The following BCL7B variants were observed in gnomAD, a reference collection of about 807,000 sequenced individuals.
The protein encoded by BCL7B is B-cell CLL/lymphoma 7 protein family member B.
BCL7B carries 11 observed loss-of-function variants against 26.5 expected under a neutral mutation model. The ratio of observed to expected loss-of-function variants is 0.42; its 90% CI spans 0.26 to 0.69. The LOEUF (loss-of-function observed/expected upper bound fraction) is 0.69, where lower values mean the gene tolerates loss of function less well. Among genes scored for constraint, BCL7B ranks in the 30% least tolerant of loss-of-function variants. BCL7B has a pLI of 0.28. For synonymous variants in BCL7B, 111 were observed against 107.9 expected, an observed-to-expected ratio of 1.03 and a Z score of -0.18; for missense variants, 215 against 264.4, an observed-to-expected ratio of 0.81 and a Z score of 1.30.
At chr7:73,543,746 T>C (rs978498115) in intron 2 of BCL7B, 102 bp from the exon 3 acceptor site, 11 of 907,210 alleles carry the variant, frequency 1.2e-5, no homozygotes, top group Middle Eastern at 3.1e-4. Context: ...GGATTAGGAC[T>C]GAACAGGAAA....
chr7:73,542,675 T>A (rs1478677967), intron 3 of BCL7B, among the ~76,000 whole-genome samples: 3 of 152,318 alleles, frequency 2.0e-5, no homozygotes, highest in South Asian at 2.1e-4. Flanking sequence ...TAAAAGGCAG[T>A]ATCATGACTA....
At chr7:73,555,910 C>T (rs1427886715) in intron 1 of BCL7B, among the ~76,000 whole-genome samples, 1 of 152,054 alleles carries the variant, frequency 6.6e-6, no homozygotes, top group Non-Finnish European at 1.5e-5. Context: ...CTCCGCTACT[C>T]GGAAGAGAGA....
intron 1 of BCL7B, among the ~76,000 whole-genome samples, chr7:73,556,173 C>T (rs1792354047): frequency 6.6e-6 from 1 of 152,120 alleles, no homozygotes; most frequent in Non-Finnish European, 1.5e-5. Context: ...TATACTGAAA[C>T]CCAACTATAT....
At chr7:73,552,953 G>A (rs370567311) in intron 1 of BCL7B, among the ~76,000 whole-genome samples, 18 of 152,060 alleles carry the variant, frequency 1.2e-4, no homozygotes, top group African/African-American at 3.1e-4. Context: ...ACAGGGTCTC[G>A]TTCTGCCTCC....
chr7:73,543,849 A>G (rs1399710361), intron 2 of BCL7B: 4 of 519,882 alleles, frequency 7.7e-6, no homozygotes, highest in Non-Finnish European at 1.4e-5. Context: ...GAACCCTTCC[A>G]GCAGGAATAC....
intron 2 of BCL7B, among the ~76,000 whole-genome samples, chr7:73,550,726 C>T (rs1379479696): frequency 1.2e-4 from 18 of 150,298 alleles, no homozygotes; most frequent in African/African-American, 4.2e-4. Flanking sequence ...GGTGCGATCT[C>T]GGCTCACTGC....
intron 3 of BCL7B, 42 bp downstream of exon 3, chr7:73,543,506 G>C (rs1563425638): frequency 1.3e-6 from 2 of 1,573,370 alleles, no homozygotes; most frequent in South Asian, 1.1e-5. Context: ...ATTCATCCAA[G>C]TTTTCATTCT....
rs1439509375 is a variant in BCL7B at position 73,537,182 on chromosome 7, C to T, written c.*116G>A. 6 of 929,996 alleles carry T rather than the reference C, an allele frequency of 6.5e-6. No individual in the cohort carries two copies. The highest frequency in any genetic ancestry group is 1.0e-5 in the Non-Finnish European group (6 of 596,576). 57.6% of individuals were successfully genotyped at this position (929,996 alleles called of 1,614,324 possible). On this transcript the variant is annotated 3_prime_UTR_variant, in exon 6 of 6. Coordinates refer to ENST00000223368, the MANE Select transcript of BCL7B (RefSeq NM_001707.4). ...TACGCCAGCCTTCCAGCCCGGAAGG[C>T]TCATGTGTGCAGGCTCTTGACCCCA...
rs1457468714 is a variant in BCL7B, at chr7:73,543,566, G to C, written c.247C>G (p.Leu83Val). The change falls in exon 3 of 6, where the codon CTC becomes GTC. Residue 83 changes from leucine to valine, a missense_variant. Coordinates refer to ENST00000223368, the MANE Select transcript of BCL7B (RefSeq NM_001707.4). ...FPSDASANSS[L>V]LLEFQDENSN... ...AACTCACCCTGGAATTCAAGAAGGA[G>C]AGAGGAATTGGCTGAGGCATCAGAA... 5 of 1,613,688 alleles carry C rather than the reference G, an allele frequency of 3.1e-6. No individual in the cohort carries two copies. The African/African-American group carries it at 6.7e-5, about 22-fold the overall frequency.
chr7:73,553,287 T>G (rs1322579004), intron 1 of BCL7B, among the ~76,000 whole-genome samples: 1 of 151,562 alleles, frequency 6.6e-6, no homozygotes, highest in African/African-American at 2.4e-5. Context: ...GCAAACAATC[T>G]CAGGAGAGAC....
chr7:73,543,673 C>A, intron 2 of BCL7B, 29 bp from the exon 3 acceptor site: 2 of 1,571,354 alleles, frequency 1.3e-6, no homozygotes, highest in Middle Eastern at 3.4e-4. Context: ...AGGAATATGA[C>A]AGAGCCAAGC....
intron 4 of BCL7B, among the ~76,000 whole-genome samples, chr7:73,538,645 T>C (rs1328321198): frequency 1.3e-5 from 2 of 151,712 alleles, no homozygotes; most frequent in Admixed American, 6.6e-5. Context: ...TGAGACTCCA[T>C]TTCTACAGAA....
intron 2 of BCL7B, among the ~76,000 whole-genome samples, chr7:73,551,577 T>G (rs1026317447): frequency 3.3e-5 from 5 of 151,782 alleles, no homozygotes; most frequent in African/African-American, 1.2e-4. Flanking sequence ...GTGCTGGGAT[T>G]ACAGGCGTGA....
intron 2 of BCL7B, among the ~76,000 whole-genome samples, chr7:73,551,871 G>T (rs886423376): frequency 2.0e-5 from 3 of 151,676 alleles, no homozygotes; most frequent in Admixed American, 6.6e-5. Context: ...TGAGGCAGGT[G>T]GGTCACGAGG....
chr7:73,543,536 G>A lies in BCL7B; in HGVS notation c.265+12C>T. Reference sequence around the variant, plus strand: ...CATTCTCCTGCAAGGAAGACACAGAGATGCAACTCACCCTGGAATTCAAGA... The same window carrying A: ...CATTCTCCTGCAAGGAAGACACAGAAATGCAACTCACCCTGGAATTCAAGA... On this transcript the variant is annotated intron_variant, in intron 3 of 5. Transcript: ENST00000223368. The A allele has an allele frequency of 1.9e-6, 3 of 1,608,700 alleles. No homozygotes were observed. Among genetic ancestry groups the A allele is most frequent in the Non-Finnish European group, 8.5e-7 (1 of 1,175,378 alleles).
intron 3 of BCL7B, 33 bp from the exon 4 acceptor site, chr7:73,540,085 A>T: frequency 6.3e-7 from 1 of 1,599,508 alleles, no homozygotes; most frequent in Non-Finnish European, 8.5e-7. Context: ...GCAGCAGCTG[A>T]GCGTGGTCAT....
Position 73,537,298 on chromosome 7 carries a change from C to T in BCL7B, c.609G>A (p.Ter203=). The T allele has an allele frequency of 6.2e-7, 1 of 1,614,012 alleles. No individual in the cohort carries two copies. Among genetic ancestry groups the T allele is most frequent in the Non-Finnish European group, 8.5e-7 (1 of 1,179,928 alleles). The change falls in exon 6 of 6, where the codon TAG becomes TAA. Residue 203 remains the stop codon, a stop_retained_variant. Transcript: ENST00000223368. ...PTVPQTASES[*] is the part of the protein sequence containing the mutation. ...CAGGAGGCGGAGGGCCGGGATGGTG[C>T]TAGCTTTCTGACGCCGTCTGCGGCA...
At chr7:73,550,370 A>C (rs1282781389) in intron 2 of BCL7B, among the ~76,000 whole-genome samples, 3 of 151,988 alleles carry the variant, frequency 2.0e-5, no homozygotes, top group Middle Eastern at 3.4e-3. Flanking sequence ...ACATGGTGAA[A>C]CCCGTCTCTA....
In BCL7B at chr7:73,537,361, G is replaced by A. The variant is rs1791577838; in HGVS notation, c.546C>T (p.Ala182=). 2 of 1,614,062 alleles carry A rather than the reference G, an allele frequency of 1.2e-6. No individual in the cohort carries two copies. Among genetic ancestry groups the A allele is most frequent in the Non-Finnish European group, 1.7e-6 (2 of 1,179,980 alleles). ...QVVEEEEDSG[A]PPLKRFCVDQ... is the part of the protein sequence containing the mutation. ...CCACACAGAAGCGCTTCAGGGGCGG[G>A]GCACCTGAGTCTTCCTCTTCCTCAA... The change falls in exon 6 of 6, where the codon GCC becomes GCT. Residue 182 remains alanine, a synonymous_variant. Transcript: ENST00000223368.
Sources: gnomAD v4.1 joint callset for allele counts (sites outside exome capture counted in the v4.1 genomes callset) on GRCh38, gnomAD v4.1.1 for gene constraint, MANE v1.5 for transcripts, NCBI Gene and HGNC (gene_info 2026-07-23, HGNC 2026-07-21) for gene names.